THSD7A: variants seen among roughly 807,000 people sequenced by gnomAD.
THSD7A encodes thrombospondin type-1 domain-containing protein 7A.
THSD7A carries 96 observed loss-of-function variants against 231.3 expected under a neutral mutation model. The observed-to-expected ratio is 0.41, with a 90% CI of 0.35 to 0.49. The LOEUF (loss-of-function observed/expected upper bound fraction) is 0.49, where lower values mean the gene tolerates loss of function less well. THSD7A is among the 20% of genes least tolerant of loss of function. The probability of loss-of-function intolerance (pLI) is 0.05; values close to 1 mark genes in which losing one functional copy is unlikely to be tolerated. For missense variants in THSD7A, 2,290 were observed against 2,070.2 expected (o/e 1.11, Z -2.06); for synonymous variants, 940 against 743.3 (o/e 1.26, Z -4.30).
intron 6 of THSD7A, among the ~76,000 whole-genome samples, chr7:11,492,363 G>C (rs184410029): frequency 2.0e-5 from 3 of 152,098 alleles, no homozygotes; most frequent in East Asian, 1.9e-4. Context: ...AGAAAGTATA[G>C]TTATACCACA....
intron 1 of THSD7A, among the ~76,000 whole-genome samples, chr7:11,769,153 A>ATATTTTTTTTTTTTTTTTTTTTTTT: frequency 3.6e-5 from 1 of 27,662 alleles, no homozygotes; most frequent in African/African-American, 1.2e-4. Context: ...ATATATATAT[A>ATATTTTTTTTTTTTTTTTTTTTTTT]TTTTTTTTTT....
At chr7:11,434,460 T>C (rs1784569747) in intron 13 of THSD7A, among the ~76,000 whole-genome samples, 1 of 152,148 alleles carries the variant, frequency 6.6e-6, no homozygotes, top group Non-Finnish European at 1.5e-5. Context: ...GAATTATGAA[T>C]GTGGAGATAA....
Position 11,636,261 on chromosome 7 carries a change from G to C in THSD7A, c.891C>G (p.Arg297=). 6.2e-7 allele frequency: 1 copy of C among 1,613,854 alleles called. No homozygotes were observed. The highest frequency in any genetic ancestry group is 1.6e-4 in the Middle Eastern group (1 of 6,062). The part of the protein sequence containing the change: ...RSKGVKDPEA[R]ELIKKKRNRN... ...TGTTTCTCTTTTTCTTAATAAGCTC[G>C]CGGGCTTCTGGATCCTTTACTCCTT... The change falls in exon 2 of 28, where the codon CGC becomes CGG. Residue 297 remains arginine (R), a synonymous_variant. Transcript: ENST00000423059. This position sits in a 1 kb window ranked among gnomAD's most constrained non-coding sequence, Gnocchi z 10.0.
chr7:11,674,910 GC>G (rs1475970347), intron 1 of THSD7A, among the ~76,000 whole-genome samples: 1 of 152,080 alleles, frequency 6.6e-6, no homozygotes, highest in Non-Finnish European at 1.5e-5. Context: ...ATCCAATGAA[GC>G]CATAAAACCC....
At chr7:11,456,857 T>C (rs1222080933) in intron 11 of THSD7A, among the ~76,000 whole-genome samples, 2 of 152,030 alleles carry the variant, frequency 1.3e-5, no homozygotes, top group Non-Finnish European at 1.5e-5. Context: ...GACATATAGA[T>C]TGATAAAAGT....
At chr7:11,535,972 C>T (rs192618491) in intron 6 of THSD7A, among the ~76,000 whole-genome samples, 16 of 152,180 alleles carry the variant, frequency 1.1e-4, no homozygotes, top group Non-Finnish European at 1.9e-4. Context: ...TAAAATATGG[C>T]ACAAAAGGTA....
intron 23 of THSD7A, among the ~76,000 whole-genome samples, chr7:11,389,481 C>T (rs1782897933): frequency 1.2e-5 from 1 of 86,156 alleles, no homozygotes. Flanking sequence ...TGGTAAATAT[C>T]CCTCCATCCC....
At chr7:11,605,036 TC>T (rs898549581) in intron 2 of THSD7A, among the ~76,000 whole-genome samples, 3 of 152,064 alleles carry the variant, frequency 2.0e-5, no homozygotes, top group African/African-American at 7.2e-5. Context: ...AATGTTCATT[TC>T]TTTCATTTTG....
chr7:11,428,545 C>G (rs1457301309), intron 14 of THSD7A, among the ~76,000 whole-genome samples: 1 of 152,082 alleles, frequency 6.6e-6, no homozygotes, highest in Non-Finnish European at 1.5e-5. Flanking sequence ...GACCAAAACC[C>G]ATATTATTTC....
At chr7:11,712,920 T>G (rs1255752937) in intron 1 of THSD7A, among the ~76,000 whole-genome samples, 1 of 151,114 alleles carries the variant, frequency 6.6e-6, no homozygotes, top group Non-Finnish European at 1.5e-5. Flanking sequence ...TGAACTTAAG[T>G]ATCTTCCAAT....
intron 2 of THSD7A, among the ~76,000 whole-genome samples, chr7:11,613,999 C>T (rs1781023633): frequency 6.6e-6 from 1 of 152,150 alleles, no homozygotes; most frequent in Middle Eastern, 3.2e-3. Flanking sequence ...ACACATAACC[C>T]ATCATCCAGG....
At chr7:11,739,354 T>A (rs957187007) in intron 1 of THSD7A, among the ~76,000 whole-genome samples, 1 of 151,964 alleles carries the variant, frequency 6.6e-6, no homozygotes, top group Non-Finnish European at 1.5e-5. Context: ...ATGCATGGAA[T>A]AACACTTATA....
In THSD7A at chr7:11,417,442, C is replaced by A; in HGVS notation, c.3537+8G>T. Reference sequence around the variant, plus strand: ...ACTCTACATTAATAAAAAGGTTAATCATCTCACCAAAACACATTGGGTCCA... The same window carrying A: ...ACTCTACATTAATAAAAAGGTTAATAATCTCACCAAAACACATTGGGTCCA... On this transcript the variant is annotated splice_region_variant and intron_variant, in intron 17 of 27. Transcript: ENST00000423059. 6.4e-7 allele frequency: 1 copy of A among 1,571,772 alleles called. No individual in the cohort carries two copies. The highest frequency in any genetic ancestry group is 1.2e-5 in the South Asian group (1 of 83,752).
chr7:11,474,556 C>G lies in THSD7A; in HGVS notation c.2030G>C (p.Cys677Ser). The G allele has an allele frequency of 1.9e-6, 3 of 1,588,802 alleles. No homozygotes were observed. The highest frequency in any genetic ancestry group is 2.6e-6 in the Non-Finnish European group (3 of 1,161,348). Reference protein sequence around the residue: ...AYAGEEGGIRCPNSSALQEVR... With the variant: ...AYAGEEGGIRSPNSSALQEVR... ...TTCTTGCAAAGCACTGCTATTTGGA[C>G]AGCGAATTCCACCTAAAAACATGGA... Residue 677 changes from cysteine (C) to serine (S), a missense_variant, in exon 8 of 28, where the codon TGT (cysteine) becomes TCT (serine). Cys to Ser is a moderately radical substitution (Grantham distance 112). Transcript: ENST00000423059. This position sits in a 1 kb window ranked among gnomAD's most constrained non-coding sequence, Gnocchi z 4.1.
In THSD7A at chr7:11,444,633, G is replaced by A. The variant is rs1784904243; in HGVS notation, c.3064+1428C>T. 6.6e-6 allele frequency among the ~76,000 whole-genome samples: 1 copy of A among 151,716 alleles called. No individual in the cohort carries two copies. Among genetic ancestry groups the A allele is most frequent in the Non-Finnish European group, 1.5e-5 (1 of 67,952 alleles). Reference sequence around the variant, plus strand: ...GGGGGGCAGTGGAGGGATAGCATCAGGAGAAATACCTAATGTAGATGACGG... The same window carrying A: ...GGGGGGCAGTGGAGGGATAGCATCAAGAGAAATACCTAATGTAGATGACGG... On this transcript the variant is annotated intron_variant, in intron 13 of 27. Transcript: ENST00000423059. The surrounding 1 kb of genome is among the most constrained non-coding windows in gnomAD (Gnocchi z 4.2).
chr7:11,822,591 C>T (rs1784907379), intron 1 of THSD7A, among the ~76,000 whole-genome samples: 1 of 151,820 alleles, frequency 6.6e-6, no homozygotes, highest in Non-Finnish European at 1.5e-5. Context: ...GATTGAATGG[C>T]AGTTCTATTT....
At chr7:11,586,833 T>C (rs1243626401) in intron 4 of THSD7A, among the ~76,000 whole-genome samples, 33 of 152,292 alleles carry the variant, frequency 2.2e-4, no homozygotes, top group Non-Finnish European at 4.4e-5. Flanking sequence ...TATCTTCCCA[T>C]TGATCCTCCA....
chr7:11,806,638 C>G (rs1784405568), intron 1 of THSD7A, among the ~76,000 whole-genome samples: 1 of 152,066 alleles, frequency 6.6e-6, no homozygotes, highest in Admixed American at 6.6e-5. Context: ...TAAAATAGAT[C>G]AATGTTTTGT....
At chr7:11,577,608 T>C (rs1309365572) in intron 4 of THSD7A, among the ~76,000 whole-genome samples, 1 of 151,328 alleles carries the variant, frequency 6.6e-6, no homozygotes, top group Non-Finnish European at 1.5e-5. Flanking sequence ...TGAGCCACCA[T>C]GGCTGGCCTC....
Sources: allele counts gnomAD v4.1 joint callset (sites outside exome capture counted in the v4.1 genomes callset), GRCh38; gene constraint gnomAD v4.1.1; non-coding constraint Gnocchi (gnomAD v3.1); transcripts MANE v1.5; gene names NCBI Gene and HGNC (gene_info 2026-07-23, HGNC 2026-07-21).